OPCML: variants seen among roughly 807,000 people sequenced by gnomAD.
The protein encoded by OPCML is opioid-binding protein/cell adhesion molecule.
Under a neutral mutation model 37.8 loss-of-function variants are expected in OPCML, and 13 were observed. That is an observed-to-expected ratio of 0.34 (90% CI 0.22 to 0.55). The LOEUF (loss-of-function observed/expected upper bound fraction) is 0.55, where lower values mean the gene tolerates loss of function less well. OPCML is among the 20% of genes least tolerant of loss of function. The probability of loss-of-function intolerance (pLI) is 0.91; values close to 1 mark genes in which losing one functional copy is unlikely to be tolerated. For missense variants in OPCML, 341 were observed against 435.6 expected (o/e 0.78, Z 1.93); for synonymous variants, 176 against 168.8 (o/e 1.04, Z -0.33).
intron 1 of OPCML, among the ~76,000 whole-genome samples, chr11:133,082,540 C>T (rs1948745840): frequency 1.4e-5 from 2 of 143,508 alleles, no homozygotes; most frequent in Admixed American, 6.8e-5. Flanking sequence ...CTCATCCTCT[C>T]CTCCCCCTCG....
chr11:132,870,732 G>A (rs1419014791), intron 2 of OPCML, among the ~76,000 whole-genome samples: 5 of 152,122 alleles, frequency 3.3e-5, no homozygotes, highest in Non-Finnish European at 7.3e-5. Flanking sequence ...CTTAAAATAA[G>A]GAAATCCTGT....
chr11:132,796,495 C>T (rs372946978), intron 2 of OPCML, among the ~76,000 whole-genome samples: 4 of 149,862 alleles, frequency 2.7e-5, no homozygotes, highest in African/African-American at 7.4e-5. Context: ...GCACCACTAC[C>T]GGCAGAATAG....
At chr11:133,335,732 C>T (rs111244067) in intron 1 of OPCML, among the ~76,000 whole-genome samples, 112 of 152,164 alleles carry the variant, frequency 7.4e-4, no homozygotes, top group African/African-American at 2.0e-3. Flanking sequence ...ATTAACCGGG[C>T]GAGGATGCAG....
chr11:132,440,699 C>T (rs2096029793), intron 4 of OPCML, among the ~76,000 whole-genome samples: 1 of 152,186 alleles, frequency 6.6e-6, no homozygotes, highest in South Asian at 2.1e-4. Context: ...AACATGCATC[C>T]TCACCAAAAC....
intron 1 of OPCML, among the ~76,000 whole-genome samples, chr11:133,417,245 GA>G (rs1945788613): frequency 6.6e-6 from 1 of 152,172 alleles, no homozygotes; most frequent in South Asian, 2.1e-4. Context: ...CTGATTCATA[GA>G]AGTGCAGGTC....
chr11:132,714,666 C>T (rs750275744), intron 2 of OPCML, among the ~76,000 whole-genome samples: 1 of 152,162 alleles, frequency 6.6e-6, no homozygotes, highest in Non-Finnish European at 1.5e-5. Context: ...AGAGCACTGG[C>T]TTATCGAAGA....
chr11:132,966,619 G>C (rs1444005120), intron 1 of OPCML, among the ~76,000 whole-genome samples: 2 of 151,898 alleles, frequency 1.3e-5, no homozygotes, highest in Non-Finnish European at 2.9e-5. Context: ...CATCTGCCTA[G>C]TTTCATATAT....
intron 4 of OPCML, among the ~76,000 whole-genome samples, chr11:132,500,552 C>T (rs2096243313): frequency 6.6e-6 from 1 of 152,008 alleles, no homozygotes; most frequent in Admixed American, 6.6e-5. Flanking sequence ...CACATGGTTC[C>T]CTTTATTTAT....
At chr11:133,476,441 T>C (rs924850564) in intron 1 of OPCML, among the ~76,000 whole-genome samples, 1 of 152,052 alleles carries the variant, frequency 6.6e-6, no homozygotes, top group Non-Finnish European at 1.5e-5. Flanking sequence ...AAATTTAGTA[T>C]CAGTGAAAAT....
At chr11:133,245,990 G>A (rs1049488635) in intron 1 of OPCML, among the ~76,000 whole-genome samples, 9 of 152,164 alleles carry the variant, frequency 5.9e-5, no homozygotes, top group African/African-American at 2.2e-4. Flanking sequence ...CAAGGGGAGG[G>A]AGAGCATTAG....
chr11:132,907,644 G>A (rs1184047194), intron 2 of OPCML, among the ~76,000 whole-genome samples: 1 of 139,874 alleles, frequency 7.1e-6, no homozygotes, highest in African/African-American at 2.6e-5. Context: ...AAAAAAAAAA[G>A]AAGAAGAAAA....
intron 1 of OPCML, chr11:133,064,584 G>A (rs887907794): frequency 6.6e-6 from 1 of 152,314 alleles, no homozygotes; most frequent in Non-Finnish European, 1.5e-5. Flanking sequence ...GCCCCGGGAG[G>A]GGGACTGTGC....
chr11:133,340,338 A>G (rs1364863173), intron 1 of OPCML, among the ~76,000 whole-genome samples: 1 of 152,200 alleles, frequency 6.6e-6, no homozygotes, highest in Non-Finnish European at 1.5e-5. Flanking sequence ...CAGTTTCAAC[A>G]CCAGCCTATT....
intron 1 of OPCML, among the ~76,000 whole-genome samples, chr11:133,310,430 T>G (rs1169560677): frequency 6.6e-6 from 1 of 152,190 alleles, no homozygotes; most frequent in African/African-American, 2.4e-5. Context: ...TCCCTTAGTT[T>G]AAAAATCTAG....
At chr11:133,247,158 T>G (rs1047755479) in intron 1 of OPCML, among the ~76,000 whole-genome samples, 15 of 152,094 alleles carry the variant, frequency 9.9e-5, no homozygotes, top group African/African-American at 3.6e-4. Context: ...TCTATAAACA[T>G]ATCACGAAGA....
chr11:132,482,173 CA>C (rs1227699049), intron 4 of OPCML, among the ~76,000 whole-genome samples: 2 of 149,472 alleles, frequency 1.3e-5, no homozygotes, highest in Non-Finnish European at 3.0e-5. Context: ...AGACTGCTAG[CA>C]AGACTAATAA....
intron 1 of OPCML, among the ~76,000 whole-genome samples, chr11:133,289,913 TC>T (rs1253742056): frequency 6.6e-6 from 1 of 151,932 alleles, no homozygotes; most frequent in African/African-American, 2.4e-5. Context: ...AACGTCCATT[TC>T]CCCCCTGGGC....
rs886799791 is a variant in OPCML, at chr11:132,673,474, G to A, written c.147-16155C>T. Among the ~76,000 whole-genome samples, 234 of 152,222 alleles carry A rather than the reference G, an allele frequency of 1.5e-3. 4 individuals are homozygous for A. The highest frequency in any genetic ancestry group is 2.1e-4 in the Non-Finnish European group (14 of 68,008). On this transcript the variant is annotated intron_variant, in intron 2 of 7. Transcript: ENST00000524381. ...TCAGGAGTGAGAATCAAGAAGCCAAGCAATTGTTTTCAATGCTGTCACTGA... is the reference window on the plus strand; with the variant it reads ...TCAGGAGTGAGAATCAAGAAGCCAAACAATTGTTTTCAATGCTGTCACTGA...
At chr11:133,129,402 G>A (rs547222024) in intron 1 of OPCML, among the ~76,000 whole-genome samples, 127 of 152,256 alleles carry the variant, frequency 8.3e-4, no homozygotes, top group African/African-American at 2.8e-3. Flanking sequence ...AGAGTACACC[G>A]AAAGATTTTC....
Sources: gnomAD v4.1 joint callset for allele counts (sites outside exome capture counted in the v4.1 genomes callset) on GRCh38, gnomAD v4.1.1 for gene constraint, MANE v1.5 for transcripts, NCBI Gene and HGNC (gene_info 2026-07-23, HGNC 2026-07-21) for gene names.